The following TRAK1 variants were observed in gnomAD, a reference collection of about 807,000 sequenced individuals.
The protein encoded by TRAK1 is trafficking kinesin protein 1.
TRAK1 carries 33 observed loss-of-function variants against 92.1 expected under a neutral mutation model. That is an observed-to-expected ratio of 0.36 (90% CI 0.27 to 0.48). TRAK1 has a LOEUF of 0.48. Among genes scored for constraint, TRAK1 ranks in the 20% least tolerant of loss-of-function variants. TRAK1 has a pLI of 0.99. For missense variants in TRAK1, 1,123 were observed against 1,257.9 expected (o/e 0.89, Z 1.62); for synonymous variants, 521 against 517.3 (o/e 1.01, Z -0.10).
chr3:42,111,946 G>C (rs1708468082), intron 1 of TRAK1, among the ~76,000 whole-genome samples: 1 of 149,314 alleles, frequency 6.7e-6, no homozygotes, highest in South Asian at 2.1e-4. Context: ...CTAGAAAAGA[G>C]TTTTCACACT....
intron 1 of TRAK1, among the ~76,000 whole-genome samples, chr3:42,016,737 G>C (rs1379036742): frequency 6.6e-6 from 1 of 152,174 alleles, no homozygotes; most frequent in African/African-American, 2.4e-5. Flanking sequence ...AAGCAGATAG[G>C]TGGCCAGTTT....
chr3:42,052,341 A>G (rs2148915108), intron 1 of TRAK1, among the ~76,000 whole-genome samples: 1 of 152,298 alleles, frequency 6.6e-6, no homozygotes, highest in Non-Finnish European at 1.5e-5. Flanking sequence ...GGGCCCAGCA[A>G]TCTGTGTTCT....
At chr3:42,139,246 T>G in intron 2 of TRAK1, among the ~76,000 whole-genome samples, 1 of 152,190 alleles carries the variant, frequency 6.6e-6, no homozygotes, top group Admixed American at 6.5e-5. Flanking sequence ...AGGACCTAAG[T>G]GAGCCCTGAG....
intron 2 of TRAK1, among the ~76,000 whole-genome samples, chr3:42,128,414 C>T (rs1407400805): frequency 6.6e-6 from 1 of 152,150 alleles, no homozygotes. Context: ...TCTGTATCTT[C>T]TGTGGTTCCT....
intron 2 of TRAK1, among the ~76,000 whole-genome samples, chr3:42,132,589 A>G (rs1697358290): frequency 2.0e-5 from 3 of 151,894 alleles, no homozygotes; most frequent in African/African-American, 7.3e-5. Flanking sequence ...GTTATTTTAT[A>G]TTGTTTTTTT....
At chr3:42,186,396 G>A (rs1559894260) in intron 4 of TRAK1, among the ~76,000 whole-genome samples, 1 of 152,144 alleles carries the variant, frequency 6.6e-6, no homozygotes, top group Non-Finnish European at 1.5e-5. Flanking sequence ...GTACATTGTT[G>A]TCTGGGTTTA....
intron 1 of TRAK1, among the ~76,000 whole-genome samples, chr3:42,121,859 C>A (rs778890138): frequency 6.6e-6 from 1 of 152,086 alleles, no homozygotes; most frequent in Non-Finnish European, 1.5e-5. Context: ...GCTCTGTCGC[C>A]CAGGCTGGAG....
chr3:42,026,468 T>A (rs1405708575), intron 1 of TRAK1, among the ~76,000 whole-genome samples: 2 of 151,892 alleles, frequency 1.3e-5, no homozygotes, highest in Admixed American at 6.6e-5. Context: ...GTTTGGCTAA[T>A]CACCTCTTCT....
upstream of TRAK1, among the ~76,000 whole-genome samples, chr3:42,086,769 G>A (rs1704698361): frequency 1.3e-5 from 2 of 152,118 alleles, no homozygotes; most frequent in Admixed American, 6.5e-5. Context: ...AAATAAAAAT[G>A]TTACCTCTCT....
upstream of TRAK1, among the ~76,000 whole-genome samples, chr3:42,086,311 C>CTTTTTTTTTTT (rs750932535): frequency 1.3e-4 from 18 of 140,486 alleles, no homozygotes; most frequent in African/African-American, 5.0e-4. Context: ...CTTTTTCTTT[C>CTTTTTTTTTTT]TTTTTTTTTT....
intron 4 of TRAK1, 103 bp downstream of exon 4, chr3:42,184,904 C>T (rs1233340563): frequency 2.3e-5 from 27 of 1,181,952 alleles, no homozygotes; most frequent in East Asian, 7.1e-5. Context: ...GTTGGAAGGA[C>T]GCTCCCGAGG....
chr3:42,204,250 C>T, intron 13 of TRAK1: 1 of 985,412 alleles, frequency 1.0e-6, no homozygotes, highest in Non-Finnish European at 1.2e-6. Context: ...AATTTATCAT[C>T]TCTGTCTTGT....
At chr3:42,170,990 AT>A (rs1227809532) in intron 2 of TRAK1, among the ~76,000 whole-genome samples, 8 of 148,500 alleles carry the variant, frequency 5.4e-5, no homozygotes, top group East Asian at 2.0e-4. Flanking sequence ...CACCCTGCTA[AT>A]TTTTTTTTTG....
In TRAK1 at chr3:42,223,771, C is replaced by T; in HGVS notation, c.*34C>T. ...GGGGGGCCGGTTGCCCTAGAGGAGA[C>T]CCACGTTCTCCTCTCTTGCTCCCAC... On this transcript the variant is annotated 3_prime_UTR_variant, in exon 16 of 16. Coordinates refer to ENST00000327628, the MANE Select transcript of TRAK1 (RefSeq NM_001042646.3). The surrounding 1 kb of genome is among the most constrained non-coding windows in gnomAD (Gnocchi z 6.1). 6.4e-7 allele frequency: 1 copy of T among 1,551,150 alleles called. No homozygotes were observed. The highest frequency in any genetic ancestry group is 8.8e-7 in the Non-Finnish European group (1 of 1,142,436).
intron 1 of TRAK1, among the ~76,000 whole-genome samples, chr3:42,079,963 C>G (rs1019525669): frequency 2.0e-5 from 3 of 152,116 alleles, no homozygotes; most frequent in Non-Finnish European, 2.9e-5. Flanking sequence ...ACAAATCCTT[C>G]TGCATTTCCA....
intron 1 of TRAK1, among the ~76,000 whole-genome samples, chr3:42,016,061 CAT>C (rs1460874795): frequency 1.3e-5 from 2 of 151,290 alleles, no homozygotes; most frequent in Non-Finnish European, 2.9e-5. Context: ...AAACAAAAAA[CAT>C]AAAAATAAAA....
intron 1 of TRAK1, among the ~76,000 whole-genome samples, chr3:42,071,820 G>A (rs1703944964): frequency 6.6e-6 from 1 of 151,292 alleles, no homozygotes; most frequent in Non-Finnish European, 1.5e-5. Context: ...ATCCTGCTTC[G>A]GGACATCTAA....
intron 1 of TRAK1, among the ~76,000 whole-genome samples, chr3:42,032,533 C>T (rs1702186315): frequency 6.6e-6 from 1 of 150,578 alleles, no homozygotes; most frequent in Admixed American, 6.6e-5. Context: ...TCAGGCTTTT[C>T]CTCTATGTCT....
At chr3:42,134,604 T>G (rs1697695030) in intron 2 of TRAK1, among the ~76,000 whole-genome samples, 1 of 86,848 alleles carries the variant, frequency 1.2e-5, no homozygotes, top group Non-Finnish European at 2.3e-5. Flanking sequence ...TTTTTTTTTT[T>G]GAGACAGAGT....
Sources: allele counts gnomAD v4.1 joint callset (sites outside exome capture counted in the v4.1 genomes callset), GRCh38; gene constraint gnomAD v4.1.1; non-coding constraint Gnocchi (gnomAD v3.1); transcripts MANE v1.5; gene names NCBI Gene and HGNC (gene_info 2026-07-23, HGNC 2026-07-21).